Variants in AIM2 observed in about 807,000 individuals in gnomAD.
The protein encoded by AIM2 is interferon-inducible protein AIM2.
A neutral mutation model predicts 27.7 loss-of-function variants in AIM2; 30 were observed. That is an observed-to-expected ratio of 1.08 (90% CI 0.81 to 1.47). The LOEUF (loss-of-function observed/expected upper bound fraction) is 1.47, where lower values mean the gene tolerates loss of function less well. AIM2 is among the 40% of genes most tolerant of loss of function. The probability of loss-of-function intolerance (pLI) is 0.00; values close to 1 mark genes in which losing one functional copy is unlikely to be tolerated. For synonymous variants in AIM2, 141 were observed against 145.3 expected, an observed-to-expected ratio of 0.97 and a Z score of 0.21; for missense variants, 358 against 411.3, an observed-to-expected ratio of 0.87 and a Z score of 1.12.
Position 159,070,686 on chromosome 1 carries a change from G to C in AIM2, c.263-1985C>G, listed in dbSNP as rs138880160. On this transcript the variant is annotated intron_variant, in intron 2 of 5. Coordinates refer to ENST00000368130, the MANE Select transcript of AIM2 (RefSeq NM_004833.3). ...GTAGAATGAACTGTCTTATGAGGTA[G>C]TAGGTACTCTGTCATTACCTTTCAA... Among the ~76,000 whole-genome samples, 175 of 152,368 alleles carry C rather than the reference G, an allele frequency of 1.1e-3. 2 individuals carry two copies. Among genetic ancestry groups the C allele is most frequent in the African/African-American group, 4.1e-3 (171 of 41,592 alleles).
chr1:159,071,263 T>G (rs1022821073), intron 2 of AIM2, among the ~76,000 whole-genome samples: 46 of 152,306 alleles, frequency 3.0e-4, no homozygotes, highest in African/African-American at 1.0e-3. Flanking sequence ...ATGAGTAGAA[T>G]AGCATATAGC....
At chr1:159,069,911 C>T (rs1262785723) in intron 2 of AIM2, among the ~76,000 whole-genome samples, 1 of 152,222 alleles carries the variant, frequency 6.6e-6, no homozygotes, top group African/African-American at 2.4e-5. Flanking sequence ...ATCCTGCCCT[C>T]TGAAGATTCT....
At chr1:159,065,871 T>C in intron 4 of AIM2, 39 bp downstream of exon 4, 1 of 1,536,340 alleles carries the variant, frequency 6.5e-7, no homozygotes, top group South Asian at 1.3e-5. Flanking sequence ...AAATACGTTA[T>C]TCTTACTAAT....
At chr1:159,145,889 C>T (rs535788138) in intron 1 of AIM2, among the ~76,000 whole-genome samples, 3 of 152,226 alleles carry the variant, frequency 2.0e-5, no homozygotes, top group Admixed American at 6.5e-5. Flanking sequence ...AGGCAGATCA[C>T]GAGGTCAAGA....
At chr1:159,115,587 G>A (rs919550271) in intron 1 of AIM2, among the ~76,000 whole-genome samples, 22 of 152,272 alleles carry the variant, frequency 1.4e-4, no homozygotes, top group African/African-American at 4.8e-4. Context: ...ACGGGGAAAC[G>A]ATTCCCTATT....
At chr1:159,135,019 T>C (rs574157261) in intron 1 of AIM2, among the ~76,000 whole-genome samples, 10 of 152,282 alleles carry the variant, frequency 6.6e-5, no homozygotes, top group South Asian at 2.1e-4. Flanking sequence ...CCTGAAGAGG[T>C]CAACTCTCCC....
At chr1:159,136,047 T>C (rs2102054597) in intron 1 of AIM2, among the ~76,000 whole-genome samples, 1 of 152,330 alleles carries the variant, frequency 6.6e-6, no homozygotes, top group South Asian at 2.1e-4. Context: ...CTGAGGATTG[T>C]TGTAGGACTT....
At chr1:159,112,496 T>C (rs1657597469) in intron 1 of AIM2, among the ~76,000 whole-genome samples, 1 of 152,142 alleles carries the variant, frequency 6.6e-6, no homozygotes, top group Non-Finnish European at 1.5e-5. Context: ...ACTACAACAC[T>C]CTTATTTCAA....
At chr1:159,140,120 G>A (rs1370146237) in intron 1 of AIM2, among the ~76,000 whole-genome samples, 3 of 151,998 alleles carry the variant, frequency 2.0e-5, no homozygotes, top group Non-Finnish European at 4.4e-5. Context: ...TCTAGGATAG[G>A]CTGAGTTAAC....
At chr1:159,104,739 C>T (rs1290027155) in intron 1 of AIM2, among the ~76,000 whole-genome samples, 1 of 152,184 alleles carries the variant, frequency 6.6e-6, no homozygotes, top group African/African-American at 2.4e-5. Flanking sequence ...TTTTAAATTA[C>T]ACATGTGCTT....
intron 1 of AIM2, among the ~76,000 whole-genome samples, chr1:159,133,021 T>C (rs967537493): frequency 2.0e-5 from 3 of 152,214 alleles, no homozygotes; most frequent in African/African-American, 7.2e-5. Flanking sequence ...GATATCAACA[T>C]GCAAATCTTC....
At chr1:159,128,665 T>G (rs16841735) in intron 1 of AIM2, among the ~76,000 whole-genome samples, 12,847 of 152,134 alleles carry the variant, frequency 0.084, 942 homozygotes, top group African/African-American at 0.2. Flanking sequence ...ATCTAGATAC[T>G]TTAACTCTCA....
At chr1:159,114,778 AG>A (rs1332890111) in intron 1 of AIM2, among the ~76,000 whole-genome samples, 2 of 152,200 alleles carry the variant, frequency 1.3e-5, no homozygotes, top group African/African-American at 4.8e-5. Flanking sequence ...GGCACAAGAC[AG>A]GGATGCCCTC....
At chr1:159,082,499 C>G (rs1411476310) in intron 1 of AIM2, among the ~76,000 whole-genome samples, 1 of 152,050 alleles carries the variant, frequency 6.6e-6, no homozygotes, top group African/African-American at 2.4e-5. Flanking sequence ...TTTTCTTTCT[C>G]TCTTTCTTTT....
intron 1 of AIM2, among the ~76,000 whole-genome samples, chr1:159,136,968 G>T (rs1053495562): frequency 1.3e-5 from 2 of 152,150 alleles, no homozygotes; most frequent in Admixed American, 1.3e-4. Context: ...TGCTTCTAAA[G>T]GCTTTGGGCC....
At chr1:159,119,564 G>C (rs531514677) in intron 1 of AIM2, among the ~76,000 whole-genome samples, 2 of 151,718 alleles carry the variant, frequency 1.3e-5, no homozygotes, top group Non-Finnish European at 2.9e-5. Flanking sequence ...TGATACAATA[G>C]GAGATCTTAA....
At chr1:159,072,874 A>G (rs1203677801) in intron 2 of AIM2, among the ~76,000 whole-genome samples, 2 of 152,220 alleles carry the variant, frequency 1.3e-5, no homozygotes, top group African/African-American at 4.8e-5. Context: ...CTTCAGTAGA[A>G]TGTGACAGCA....
chr1:159,093,753 G>A (rs980464151), intron 1 of AIM2, among the ~76,000 whole-genome samples: 2 of 151,450 alleles, frequency 1.3e-5, no homozygotes, highest in Non-Finnish European at 1.5e-5. Context: ...GAGAGAGAGA[G>A]AGAGACGGAG....
At chr1:159,143,487 G>A (rs187132013), upstream of AIM2, among the ~76,000 whole-genome samples, 38 of 151,960 alleles carry the variant, frequency 2.5e-4, no homozygotes, top group East Asian at 4.6e-3. Flanking sequence ...GGTTGTAAAG[G>A]GCAGGTTAAC....
Sources: allele counts gnomAD v4.1 joint callset (sites outside exome capture counted in the v4.1 genomes callset), GRCh38; gene constraint gnomAD v4.1.1; transcripts MANE v1.5; gene names NCBI Gene and HGNC (gene_info 2026-07-23, HGNC 2026-07-21).